The following ANK3 variants were observed in gnomAD, a reference collection of about 807,000 sequenced individuals.
The protein encoded by ANK3 is ankyrin 3.
A neutral mutation model predicts 370.9 loss-of-function variants in ANK3; 57 were observed. That is an observed-to-expected ratio of 0.15 (90% CI 0.12 to 0.19). The LOEUF (loss-of-function observed/expected upper bound fraction) is 0.19, where lower values mean the gene tolerates loss of function less well. Ranked by LOEUF, ANK3 falls within the 10% of genes least tolerant of loss-of-function variation. ANK3 has a pLI of 1.00. For synonymous variants in ANK3, 1,929 were observed against 1,946.3 expected (o/e 0.99, Z 0.23); for missense variants, 4,439 against 5,302.1 (o/e 0.84, Z 5.06).
intron 2 of ANK3, among the ~76,000 whole-genome samples, chr10:60,529,290 T>G (rs560895567): frequency 6.6e-6 from 1 of 152,240 alleles, no homozygotes; most frequent in African/African-American, 2.4e-5. Flanking sequence ...GCAAAGGCTT[T>G]CAGAAGGCTC....
chr10:60,083,709 T>C, intron 32 of ANK3, 92 bp from the exon 33 acceptor site: 1 of 1,103,860 alleles, frequency 9.1e-7, no homozygotes, highest in Non-Finnish European at 1.3e-6. Flanking sequence ...AGACTGACGT[T>C]ACTATGTTAC....
chr10:60,174,808 C>G (rs1402867723), intron 18 of ANK3, among the ~76,000 whole-genome samples: 1 of 152,102 alleles, frequency 6.6e-6, no homozygotes, highest in Non-Finnish European at 1.5e-5. Context: ...GGGATCATGG[C>G]TCACTGCAGC....
rs557070233 is a variant in ANK3 at position 60,276,609 on chromosome 10, A to C, written c.414+2165T>G. 7.2e-5 allele frequency among the ~76,000 whole-genome samples: 11 copies of C among 152,338 alleles called. No homozygotes were observed. In the South Asian group the frequency reaches 2.3e-3, roughly 32 times the overall value. On this transcript the variant is annotated intron_variant, in intron 4 of 43. Coordinates refer to ENST00000280772, the MANE Select transcript of ANK3 (RefSeq NM_020987.5). ...ATGTTCTTCTGCCTTACTGCATCAT[A>C]GGTGTGGAATGCGTATAAATTGAAA...
chr10:60,546,183 G>A (rs1484667504), intron 2 of ANK3, among the ~76,000 whole-genome samples: 2 of 152,066 alleles, frequency 1.3e-5, no homozygotes, highest in Non-Finnish European at 2.9e-5. Context: ...CTACAGGCAT[G>A]CACCACCATG....
intron 2 of ANK3, among the ~76,000 whole-genome samples, chr10:60,506,005 C>A (rs748688746): frequency 4.6e-5 from 7 of 151,942 alleles, no homozygotes; most frequent in Non-Finnish European, 1.0e-4. Context: ...TTTCTCCACC[C>A]AATTAAGTAT....
At chr10:60,264,094 G>A in intron 5 of ANK3, 74 bp from the exon 6 acceptor site, 4 of 1,269,314 alleles carry the variant, frequency 3.2e-6, no homozygotes, top group Non-Finnish European at 4.3e-6. Flanking sequence ...AAATAAGAAG[G>A]CAACCAAGTG....
At chr10:60,488,376 G>C (rs956473798) in intron 2 of ANK3, among the ~76,000 whole-genome samples, 1 of 152,074 alleles carries the variant, frequency 6.6e-6, no homozygotes, top group Non-Finnish European at 1.5e-5. Context: ...AATATGTTGA[G>C]AAATATTTTT....
At chr10:60,090,181 G>A (rs948631931) in intron 28 of ANK3, among the ~76,000 whole-genome samples, 8 of 152,040 alleles carry the variant, frequency 5.3e-5, no homozygotes, top group Non-Finnish European at 1.0e-4. Context: ...AGCTGGGTGT[G>A]GTGGCATGCG....
At chr10:60,496,533 T>C (rs2075660226) in intron 2 of ANK3, among the ~76,000 whole-genome samples, 2 of 151,532 alleles carry the variant, frequency 1.3e-5, no homozygotes, top group Non-Finnish European at 2.9e-5. Context: ...ATTTCGTCTC[T>C]GGGGGAATTT....
chr10:60,089,118 T>C (rs934854548), intron 28 of ANK3, among the ~76,000 whole-genome samples: 1 of 152,236 alleles, frequency 6.6e-6, no homozygotes, highest in African/African-American at 2.4e-5. Context: ...ATCCAAATGT[T>C]TAGCATCATC....
intron 25 of ANK3, among the ~76,000 whole-genome samples, chr10:60,121,561 G>A (rs961772175): frequency 1.3e-5 from 2 of 151,828 alleles, no homozygotes; most frequent in African/African-American, 2.4e-5. Context: ...GCGTGGTGGT[G>A]TGTGCCTGTA....
At chr10:60,077,694 T>C (rs935505495) in intron 36 of ANK3, among the ~76,000 whole-genome samples, 2 of 152,198 alleles carry the variant, frequency 1.3e-5, no homozygotes, top group Non-Finnish European at 2.9e-5. Context: ...AAAGCTATCA[T>C]GGGGGACATC....
At chr10:60,119,073 T>C (rs2093305565) in intron 25 of ANK3, among the ~76,000 whole-genome samples, 2 of 152,234 alleles carry the variant, frequency 1.3e-5, no homozygotes, top group Non-Finnish European at 2.9e-5. Context: ...GTCCCAATAT[T>C]TGTCCCAGAT....
intron 1 of ANK3, among the ~76,000 whole-genome samples, chr10:60,703,855 G>T (rs920647): frequency 0.34 from 51,646 of 151,916 alleles, 8,981 homozygotes; most frequent in African/African-American, 0.39. Context: ...CAAAGACAGT[G>T]TTCCAATGAA....
At chr10:60,362,848 C>A (rs573381815) in intron 1 of ANK3, among the ~76,000 whole-genome samples, 1 of 152,150 alleles carries the variant, frequency 6.6e-6, no homozygotes, top group East Asian at 1.9e-4. Context: ...GACCGCAGAA[C>A]CAGGTGGATT....
chr10:60,121,378 C>CA (rs201473806), intron 25 of ANK3, among the ~76,000 whole-genome samples: 2,016 of 135,450 alleles, frequency 0.015, 50 homozygotes, highest in African/African-American at 0.054. Context: ...TAAAATGCAC[C>CA]AAAAAAAAAA....
chr10:60,675,416 A>G (rs902157013), intron 1 of ANK3, among the ~76,000 whole-genome samples: 2 of 152,170 alleles, frequency 1.3e-5, no homozygotes, highest in Admixed American at 6.5e-5. Flanking sequence ...ATTCAACCCA[A>G]TATAGCCAAG....
chr10:60,081,648 A>T (rs2085283641), intron 35 of ANK3: 1 of 335,260 alleles, frequency 3.0e-6, no homozygotes, highest in African/African-American at 2.2e-5. Flanking sequence ...CACATATTAA[A>T]CGTGATCTTG....
At chr10:60,199,916 A>G (rs975528784) in intron 13 of ANK3, among the ~76,000 whole-genome samples, 14 of 152,204 alleles carry the variant, frequency 9.2e-5, no homozygotes, top group Admixed American at 8.5e-4. Context: ...ACAAGTTCTC[A>G]TCTCATCCTA....
Sources: gnomAD v4.1 joint callset for allele counts (sites outside exome capture counted in the v4.1 genomes callset) on GRCh38, gnomAD v4.1.1 for gene constraint, MANE v1.5 for transcripts, NCBI Gene and HGNC (gene_info 2026-07-23, HGNC 2026-07-21) for gene names.